The following CDH8 variants were observed in gnomAD, a reference collection of about 807,000 sequenced individuals.
The protein encoded by CDH8 is cadherin 8, also known as cadherin-8.
Under a neutral mutation model 68.1 loss-of-function variants are expected in CDH8, and 17 were observed. The ratio of observed to expected loss-of-function variants is 0.25; its 90% confidence interval spans 0.17 to 0.37. CDH8 has a LOEUF of 0.37. Ranked by LOEUF, CDH8 falls within the 10% of genes least tolerant of loss-of-function variation. The pLI, the probability that CDH8 is intolerant of heterozygous loss-of-function variation, is 1.00. For synonymous variants in CDH8, 372 were observed against 365.1 expected (o/e 1.02, Z -0.21); for missense variants, 763 against 999.3 (o/e 0.76, Z 3.19).
At chr16:61,908,593 C>T (rs1170241680) in intron 2 of CDH8, among the ~76,000 whole-genome samples, 1 of 152,114 alleles carries the variant, frequency 6.6e-6, no homozygotes, top group East Asian at 1.9e-4. Flanking sequence ...ATTCAAGAAA[C>T]ATTGTTTTCA....
chr16:61,974,728 G>C (rs973018146), intron 2 of CDH8, among the ~76,000 whole-genome samples: 1 of 152,094 alleles, frequency 6.6e-6, no homozygotes, highest in African/African-American at 2.4e-5. Context: ...GTTTTCATGG[G>C]CAGTAATTCT....
At chr16:62,019,761 A>T (rs1049963333) in intron 2 of CDH8, among the ~76,000 whole-genome samples, 1 of 152,196 alleles carries the variant, frequency 6.6e-6, no homozygotes, top group Non-Finnish European at 1.5e-5. Context: ...TCATACATAT[A>T]TATTTGTATC....
At chr16:61,706,425 G>C (rs1964533428) in intron 10 of CDH8, among the ~76,000 whole-genome samples, 1 of 152,048 alleles carries the variant, frequency 6.6e-6, no homozygotes, top group South Asian at 2.1e-4. Flanking sequence ...AGACCATCCT[G>C]GCTAACACGG....
At chr16:61,707,593 T>G (rs1249206651) in intron 10 of CDH8, among the ~76,000 whole-genome samples, 1 of 152,204 alleles carries the variant, frequency 6.6e-6, no homozygotes. Context: ...TTCAATAAAC[T>G]GAGGGATCTG....
intron 7 of CDH8, among the ~76,000 whole-genome samples, chr16:61,813,082 G>A (rs1405791664): frequency 1.3e-5 from 2 of 152,116 alleles, no homozygotes; most frequent in South Asian, 2.1e-4. Flanking sequence ...CCCATACCAG[G>A]TGGCTAGGCA....
At chr16:61,710,982 T>C (rs1964621030) in intron 10 of CDH8, among the ~76,000 whole-genome samples, 1 of 151,998 alleles carries the variant, frequency 6.6e-6, no homozygotes, top group Non-Finnish European at 1.5e-5. Flanking sequence ...GAAATCAATA[T>C]CTTGACCATA....
At chr16:61,925,826 A>G (rs1796239528) in intron 2 of CDH8, among the ~76,000 whole-genome samples, 1 of 152,176 alleles carries the variant, frequency 6.6e-6, no homozygotes, top group Non-Finnish European at 1.5e-5. Context: ...TTTTAGCAGG[A>G]CACAACAAAG....
At chr16:61,723,304 G>A (rs918621625) in intron 9 of CDH8, among the ~76,000 whole-genome samples, 1 of 150,674 alleles carries the variant, frequency 6.6e-6, no homozygotes, top group Non-Finnish European at 1.5e-5. Context: ...GGGTTGTCAA[G>A]TATATTGAAG....
At chr16:61,848,735 C>A (rs1327501186) in intron 4 of CDH8, among the ~76,000 whole-genome samples, 3 of 152,034 alleles carry the variant, frequency 2.0e-5, no homozygotes, top group Admixed American at 6.6e-5. Flanking sequence ...CTATTAGAAA[C>A]TTAAAATTAC....
In CDH8 at chr16:61,852,046, C is replaced by T. The variant is rs1241880110; in HGVS notation, c.667+5073G>A. 3.9e-5 allele frequency among the ~76,000 whole-genome samples: 6 copies of T among 152,110 alleles called. No individual in the cohort carries two copies. The South Asian group carries it at 1.0e-3, about 26-fold the overall frequency. Reference sequence around the variant, plus strand: ...AAAAGTGAGATGACACTAATACCTACCTCAAAATATTGTGTGGAAAAAATT... The same window carrying T: ...AAAAGTGAGATGACACTAATACCTATCTCAAAATATTGTGTGGAAAAAATT... On this transcript the variant is annotated intron_variant, in intron 4 of 11. Transcript: ENST00000577390.
At chr16:61,661,839 C>A (rs1410465288) in intron 10 of CDH8, among the ~76,000 whole-genome samples, 2 of 151,642 alleles carry the variant, frequency 1.3e-5, no homozygotes, top group Admixed American at 1.3e-4. Flanking sequence ...GGATTTTATT[C>A]ATTCCTTTTC....
At chr16:61,877,425 C>T (rs1288459198) in intron 3 of CDH8, among the ~76,000 whole-genome samples, 2 of 151,982 alleles carry the variant, frequency 1.3e-5, no homozygotes, top group Non-Finnish European at 2.9e-5. Flanking sequence ...CAAGATAATA[C>T]AAGATTAATG....
At chr16:61,929,569 G>C (rs1003717987) in intron 2 of CDH8, among the ~76,000 whole-genome samples, 9 of 152,070 alleles carry the variant, frequency 5.9e-5, no homozygotes, top group Non-Finnish European at 1.2e-4. Context: ...TTTTTAACAG[G>C]TTGGGAATCA....
intron 3 of CDH8, among the ~76,000 whole-genome samples, chr16:61,888,737 T>C (rs1963721686): frequency 6.6e-6 from 1 of 152,188 alleles, no homozygotes; most frequent in Non-Finnish European, 1.5e-5. Flanking sequence ...AACCTTAAGC[T>C]GATAACATCA....
rs1965108010 is a variant in CDH8, at chr16:61,960,240, T to TGTGTGTGTGTATACACACATATATAC, written c.253-58768_253-58767insGTATATATGTGTGTATACACACACAC. On this transcript the variant is annotated intron_variant, in intron 2 of 11. Coordinates refer to ENST00000577390, the MANE Select transcript of CDH8 (RefSeq NM_001796.5). ...GTGTGTGTATACACACATATATACA[T>TGTGTGTGTGTATACACACATATATAC]GTGTGTGTGTATACACATACATATA... Among the ~76,000 whole-genome samples, 22 of 38,116 alleles carry TGTGTGTGTGTATACACACATATATAC rather than the reference T, an allele frequency of 5.8e-4. 4 individuals are homozygous for TGTGTGTGTGTATACACACATATATAC. The highest frequency in any genetic ancestry group is 2.7e-3 in the Admixed American group (11 of 4,054). 25.0% of individuals were successfully genotyped at this position (38,116 alleles called of 152,430 possible).
Position 61,938,537 on chromosome 16 carries a change from G to A in CDH8, c.253-37064C>T, listed in dbSNP as rs574112111. Among the ~76,000 whole-genome samples, 41 of 152,240 alleles carry A rather than the reference G, an allele frequency of 2.7e-4. No homozygotes were observed. The South Asian group carries it at 8.3e-3, about 31-fold the overall frequency. ...AGAATTGCAAATATACTTGCTAAATGTTAGTGTTAATAAATAACACATATG... is the reference window on the plus strand; with the variant it reads ...AGAATTGCAAATATACTTGCTAAATATTAGTGTTAATAAATAACACATATG... On this transcript the variant is annotated intron_variant, in intron 2 of 11. Transcript: ENST00000577390.
chr16:61,652,452 A>G lies in CDH8; in HGVS notation c.*1156T>C. 1.0e-6 allele frequency: 1 copy of G among 986,360 alleles called. No homozygotes were observed. Among genetic ancestry groups the G allele is most frequent in the South Asian group, 4.7e-5 (1 of 21,312 alleles). The allele number at this position is 986,360 out of a possible 1,614,324, so 61.1% of individuals were successfully genotyped here. On this transcript the variant is annotated 3_prime_UTR_variant, in exon 12 of 12. Transcript: ENST00000577390. ...GTTTGTGCTTGTAGTAAAAACACCA[A>G]ATACTAGGATTATGAACAAAATAGA...
Position 61,964,751 on chromosome 16 carries a change from C to G in CDH8, c.252+56401G>C, listed in dbSNP as rs925652522. 5.0e-4 allele frequency among the ~76,000 whole-genome samples: 76 copies of G among 152,278 alleles called. 1 individual carries two copies. The highest frequency in any genetic ancestry group is 8.5e-4 in the Admixed American group (13 of 15,296). On this transcript the variant is annotated intron_variant, in intron 2 of 11. Coordinates refer to ENST00000577390, the MANE Select transcript of CDH8 (RefSeq NM_001796.5). ...GAGCACAATCGATTCTCTCTCCTAA[C>G]TTAAGTGTTGGCCCTCTAGATTGCT...
chr16:61,736,004 T>G (rs943006540), intron 8 of CDH8, among the ~76,000 whole-genome samples: 1 of 150,012 alleles, frequency 6.7e-6, no homozygotes, highest in Admixed American at 6.7e-5. Flanking sequence ...ACCCGGGAGG[T>G]AGAGGTTGTA....
Sources: allele counts gnomAD v4.1 joint callset (sites outside exome capture counted in the v4.1 genomes callset), GRCh38; gene constraint gnomAD v4.1.1; transcripts MANE v1.5; gene names NCBI Gene and HGNC (gene_info 2026-07-23, HGNC 2026-07-21).